OSBPL3: variants seen among roughly 807,000 people sequenced by gnomAD.
OSBPL3 encodes the protein oxysterol binding protein like 3.
In OSBPL3, 65 loss-of-function variants were observed where a neutral mutation model predicts 120.1. The ratio of observed to expected loss-of-function variants is 0.54; its 90% CI spans 0.44 to 0.67. The LOEUF is 0.67. Ranked by LOEUF, OSBPL3 falls within the 30% of genes least tolerant of loss-of-function variation. OSBPL3 has a pLI of 0.00. For missense variants in OSBPL3, 1,004 were observed against 1,082.1 expected, an observed-to-expected ratio of 0.93 and a Z score of 1.01; for synonymous variants, 416 against 402.6, an observed-to-expected ratio of 1.03 and a Z score of -0.40.
chr7:24,826,082 C>A (rs1795671548), intron 16 of OSBPL3, among the ~76,000 whole-genome samples: 1 of 152,148 alleles, frequency 6.6e-6, no homozygotes, highest in Non-Finnish European at 1.5e-5. Context: ...TTTTCTGACC[C>A]ATCTATTCCC....
At chr7:24,905,327 T>C (rs1041464297) in intron 1 of OSBPL3, among the ~76,000 whole-genome samples, 1 of 152,046 alleles carries the variant, frequency 6.6e-6, no homozygotes, top group Admixed American at 6.5e-5. Context: ...CACCCAGCTC[T>C]GCTAAATGGG....
chr7:24,893,190 G>A (rs543580409), intron 1 of OSBPL3, among the ~76,000 whole-genome samples: 1 of 152,258 alleles, frequency 6.6e-6, no homozygotes, highest in South Asian at 2.1e-4. Context: ...TCATAGCAAT[G>A]TTATTCACAA....
Position 24,824,907 on chromosome 7 carries a change from C to G in OSBPL3, c.1885-4669G>C, listed in dbSNP as rs561497032. ...ATGCAGATATCTGAGAGAAGCACGT[C>G]CCAGGCAGGGGACACAGCAAAGGCC... On this transcript the variant is annotated intron_variant, in intron 16 of 22. Transcript: ENST00000313367. This position sits in a 1 kb window ranked among gnomAD's most constrained non-coding sequence, Gnocchi z 4.9. Among the ~76,000 whole-genome samples, 9 of 152,236 alleles carry G rather than the reference C, an allele frequency of 5.9e-5. 1 individual carries two copies. The East Asian group carries it at 1.7e-3, about 29-fold the overall frequency.
At chr7:24,866,845 A>T (rs906123269) in intron 5 of OSBPL3, among the ~76,000 whole-genome samples, 2 of 152,222 alleles carry the variant, frequency 1.3e-5, no homozygotes, top group Admixed American at 6.5e-5. Flanking sequence ...CTTGTTGCCC[A>T]GGCTGCAGTG....
At chr7:24,981,639 C>G (rs1274639255), upstream of OSBPL3, 1 of 152,800 alleles carries the variant, frequency 6.5e-6, no homozygotes, top group Non-Finnish European at 1.5e-5. This position sits in a 1 kb window ranked among gnomAD's most constrained non-coding sequence, Gnocchi z 7.3. Flanking sequence ...ATGTCTGGGA[C>G]TGTCTGTTTC....
intron 1 of OSBPL3, among the ~76,000 whole-genome samples, chr7:24,975,035 A>G (rs1391657941): frequency 6.6e-6 from 1 of 152,228 alleles, no homozygotes; most frequent in African/African-American, 2.4e-5. Flanking sequence ...ATGAGTCTAG[A>G]CAGGGAAGCA....
intron 20 of OSBPL3, among the ~76,000 whole-genome samples, chr7:24,807,517 T>TAATAAC (rs139700441): frequency 4.8e-4 from 72 of 151,264 alleles, no homozygotes; most frequent in African/African-American, 1.5e-3. Flanking sequence ...ATAATAATAA[T>TAATAAC]AACAACAATA....
intron 1 of OSBPL3, among the ~76,000 whole-genome samples, chr7:24,978,723 T>C (rs1156305020): frequency 6.6e-6 from 1 of 152,210 alleles, no homozygotes; most frequent in African/African-American, 2.4e-5. Flanking sequence ...GTTTAAAATA[T>C]TTCTAAATGC....
In OSBPL3 at chr7:24,830,274, A is replaced by G. The variant is rs567227166; in HGVS notation, c.1884+494T>C. Among the ~76,000 whole-genome samples the G allele has an allele frequency of 5.3e-5, 8 of 152,284 alleles. No homozygotes were observed. The highest frequency in any genetic ancestry group is 1.9e-4 in the African/African-American group (8 of 41,562). On this transcript the variant is annotated intron_variant, in intron 16 of 22. Transcript: ENST00000313367. The surrounding 1 kb of genome is among the most constrained non-coding windows in gnomAD (Gnocchi z 4.4). ...ACTGCAATATCCTAGCACCTGGAAC[A>G]GTGGCAGGCACATGGTATACGTTCT...
At position 24,867,614 on chromosome 7, in the gene OSBPL3, C is replaced by T. The variant is rs1489373546; in HGVS notation, c.382-1377G>A. ...CCATCCACAGATGATGTCACTTGCT[C>T]CTATTTGCCTTCTGCCATGACTGTG... On this transcript the variant is annotated intron_variant, in intron 5 of 22. Transcript: ENST00000313367. This position sits in a 1 kb window ranked among gnomAD's most constrained non-coding sequence, Gnocchi z 4.5. 1.3e-5 allele frequency among the ~76,000 whole-genome samples: 2 copies of T among 152,152 alleles called. No homozygotes were observed. Among genetic ancestry groups the T allele is most frequent in the African/African-American group, 4.8e-5 (2 of 41,426 alleles).
chr7:24,905,677 C>T (rs1373675284), intron 1 of OSBPL3, among the ~76,000 whole-genome samples: 2 of 152,202 alleles, frequency 1.3e-5, no homozygotes. Flanking sequence ...TGAGTGTGGG[C>T]TCCAAAACTA....
intron 1 of OSBPL3, among the ~76,000 whole-genome samples, chr7:24,973,102 C>T (rs1434698130): frequency 3.9e-5 from 6 of 152,146 alleles, no homozygotes. Flanking sequence ...CTGGATTGCT[C>T]ATTGCAATTT....
At position 24,964,765 on chromosome 7, in the gene OSBPL3, T is replaced by C. The variant is rs561361258; in HGVS notation, c.-150+15121A>G. Among the ~76,000 whole-genome samples, 162 of 152,350 alleles carry C rather than the reference T, an allele frequency of 1.1e-3. No homozygotes were observed. The highest frequency in any genetic ancestry group is 2.1e-3 in the Admixed American group (32 of 15,308). On this transcript the variant is annotated intron_variant, in intron 1 of 22. Transcript: ENST00000313367. The surrounding 1 kb of genome is among the most constrained non-coding windows in gnomAD (Gnocchi z 4.2). ...GTATACTAAGGTAAGATATTGACAATGGGAAAACCACTTGGGGCATATGGG... is the reference window on the plus strand; with the variant it reads ...GTATACTAAGGTAAGATATTGACAACGGGAAAACCACTTGGGGCATATGGG...
chr7:24,979,350 A>T (rs1817943586), intron 1 of OSBPL3, among the ~76,000 whole-genome samples: 1 of 152,094 alleles, frequency 6.6e-6, no homozygotes, highest in South Asian at 2.1e-4. Context: ...CAGACAAGAA[A>T]GGAATGTGCC....
intron 10 of OSBPL3, among the ~76,000 whole-genome samples, chr7:24,856,905 A>G (rs1382755472): frequency 6.6e-6 from 1 of 152,212 alleles, no homozygotes; most frequent in African/African-American, 2.4e-5. Flanking sequence ...TTTTTAACCC[A>G]TATTCCATCC....
chr7:24,948,098 C>T (rs1172998034), intron 1 of OSBPL3, among the ~76,000 whole-genome samples: 4 of 152,124 alleles, frequency 2.6e-5, no homozygotes, highest in Non-Finnish European at 1.5e-5. Flanking sequence ...ACAACAAGGA[C>T]ACATCACAGA....
In OSBPL3 at chr7:24,821,288, T is replaced by C. The variant is rs1446371759; in HGVS notation, c.1885-1050A>G. Among the ~76,000 whole-genome samples, 1 of 152,190 alleles carries C rather than the reference T, an allele frequency of 6.6e-6. No individual in the cohort carries two copies. The highest frequency in any genetic ancestry group is 2.4e-5 in the African/African-American group (1 of 41,450). On this transcript the variant is annotated intron_variant, in intron 16 of 22. Coordinates refer to ENST00000313367, the MANE Select transcript of OSBPL3 (RefSeq NM_015550.4). The surrounding 1 kb of genome is among the most constrained non-coding windows in gnomAD (Gnocchi z 5.5). ...CCAATAGTCAGGGAAGAGGTAGCGG[T>C]AAGTCCCAGCAGTTTTGGTTTACCT...
intron 1 of OSBPL3, among the ~76,000 whole-genome samples, chr7:24,935,643 T>C (rs1169635977): frequency 2.0e-5 from 3 of 152,140 alleles, no homozygotes; most frequent in African/African-American, 4.8e-5. Flanking sequence ...GTTCTATTGA[T>C]TGATGGCACA....
intron 1 of OSBPL3, among the ~76,000 whole-genome samples, chr7:24,902,611 C>T (rs985230031): frequency 6.7e-6 from 1 of 149,686 alleles, no homozygotes; most frequent in Non-Finnish European, 1.5e-5. Flanking sequence ...ACTAGATATT[C>T]CAAATTGCTA....
Sources: allele counts gnomAD v4.1 joint callset (sites outside exome capture counted in the v4.1 genomes callset), GRCh38; gene constraint gnomAD v4.1.1; non-coding constraint Gnocchi (gnomAD v3.1); transcripts MANE v1.5; gene names NCBI Gene and HGNC (gene_info 2026-07-23, HGNC 2026-07-21).